The following GLB1 variants were observed in gnomAD, a reference collection of about 807,000 sequenced individuals.
GLB1 encodes the protein beta-galactosidase.
GLB1 carries 56 observed loss-of-function variants against 74.0 expected under a neutral mutation model. The observed-to-expected ratio is 0.76, with a 90% CI of 0.61 to 0.94. GLB1 has a LOEUF of 0.94. Among genes scored for constraint, GLB1 ranks in the 40% least tolerant of loss-of-function variants. The pLI is 0.00. For missense variants in GLB1, 787 were observed against 845.5 expected, an observed-to-expected ratio of 0.93 and a Z score of 0.86; for synonymous variants, 323 against 323.6, an observed-to-expected ratio of 1.00 and a Z score of 0.02.
At chr3:33,011,487 T>TA (rs549855318) in intron 15 of GLB1, among the ~76,000 whole-genome samples, 3 of 147,058 alleles carry the variant, frequency 2.0e-5, no homozygotes, top group Non-Finnish European at 4.5e-5. Context: ...ATAAAAATAA[T>TA]AAAAAAAATT....
At chr3:33,077,287 T>C (rs776410314) in intron 1 of GLB1, 146 of 1,573,610 alleles carry the variant, frequency 9.3e-5, no homozygotes, top group Non-Finnish European at 1.3e-4. Context: ...AGGAGGGTTC[T>C]GTGGTGCAGT....
rs540029120 is a variant in GLB1, at chr3:33,030,493, T to G, written c.1069-6168A>C. 716 of 985,304 alleles carry G rather than the reference T, an allele frequency of 7.3e-4. 1 individual carries two copies. Among genetic ancestry groups the G allele is most frequent in the Non-Finnish European group, 8.2e-4 (682 of 829,800 alleles). The allele number at this position is 985,304 out of a possible 1,614,324, so 61.0% of individuals were successfully genotyped here. A position where few individuals can be genotyped will look rare whatever the true frequency, so the allele number is the denominator to read the frequency against. On this transcript the variant is annotated intron_variant, in intron 10 of 15. Transcript: ENST00000307363. ...AACCATCAGACATAAAACACTGGTT[T>G]TCACCAGCACTATACATCAGCAAGA... is the stretch of plus-strand genomic sequence containing the variant.
In GLB1 at chr3:33,093,577, G is replaced by C. The variant is rs376847365; in HGVS notation, c.75+3434C>G. 1.2e-6 allele frequency: 2 copies of C among 1,614,072 alleles called. No individual in the cohort carries two copies. The highest frequency in any genetic ancestry group is 2.7e-5 in the African/African-American group (2 of 74,938). On this transcript the variant is annotated intron_variant, in intron 1 of 15. Transcript: ENST00000307363. This position sits in a 1 kb window ranked among gnomAD's most constrained non-coding sequence, Gnocchi z 6.0. ...ATGTCTGAGAGGAGCACGATCTTGAGGTTGTTCATTGAGGCAGGCAGCTGA... is the reference window on the plus strand; with the variant it reads ...ATGTCTGAGAGGAGCACGATCTTGACGTTGTTCATTGAGGCAGGCAGCTGA...
the GLB1 span, among the ~76,000 whole-genome samples, chr3:32,978,653 G>A: frequency 6.6e-6 from 1 of 152,156 alleles, no homozygotes; most frequent in South Asian, 2.1e-4. Flanking sequence ...CATTACATGT[G>A]ATAGATCTGA....
chr3:33,047,401 C>A (rs1698784852), intron 9 of GLB1, among the ~76,000 whole-genome samples: 1 of 152,146 alleles, frequency 6.6e-6, no homozygotes, highest in African/African-American at 2.4e-5. Context: ...AAAACAGATT[C>A]CTAAGCCCCA....
rs966255236 is a variant in GLB1 at position 32,997,757 on chromosome 3, A to C, written c.1735-413T>G. Among the ~76,000 whole-genome samples the C allele has an allele frequency of 6.6e-4, 101 of 152,206 alleles. 2 individuals are homozygous for C. Among genetic ancestry groups the C allele is most frequent in the African/African-American group, 2.3e-3 (96 of 41,440 alleles). On this transcript the variant is annotated intron_variant, in intron 15 of 15. Transcript: ENST00000307363. ...TCCCTGACTTTTCTGTACACAGAAGACAACTGCTGAACTGCTTCCTTAAAT... is the reference window on the plus strand; with the variant it reads ...TCCCTGACTTTTCTGTACACAGAAGCCAACTGCTGAACTGCTTCCTTAAAT...
intron 5 of GLB1, among the ~76,000 whole-genome samples, chr3:33,064,809 G>A (rs1467233979): frequency 1.4e-5 from 2 of 141,226 alleles, no homozygotes; most frequent in East Asian, 4.1e-4. Flanking sequence ...GAGCATCCAT[G>A]GCATCCTTGG....
At chr3:32,979,618 C>A in the GLB1 span, among the ~76,000 whole-genome samples, 1 of 151,316 alleles carries the variant, frequency 6.6e-6, no homozygotes, top group African/African-American at 2.4e-5. Context: ...TTTGGGAGGC[C>A]AAGATGGGAG....
chr3:32,963,567 T>G, the GLB1 span, among the ~76,000 whole-genome samples: 1 of 152,124 alleles, frequency 6.6e-6, no homozygotes. Context: ...AAGTGGCACA[T>G]GGATGTTTGT....
chr3:33,011,118 A>C (rs1002494540), intron 15 of GLB1, among the ~76,000 whole-genome samples: 1 of 152,134 alleles, frequency 6.6e-6, no homozygotes, highest in Non-Finnish European at 1.5e-5. Context: ...CGGCCTCCCA[A>C]AGTGCTGGGA....
At chr3:33,082,393 C>T (rs1237811426) in intron 1 of GLB1, among the ~76,000 whole-genome samples, 1 of 152,180 alleles carries the variant, frequency 6.6e-6, no homozygotes, top group Non-Finnish European at 1.5e-5. Flanking sequence ...GCCCACTCCC[C>T]ACTCCCACTC....
intron 1 of GLB1, among the ~76,000 whole-genome samples, chr3:33,074,389 G>GAAAGAAAAAGAAAGAAAGAAAGAAAGA (rs1559412979): frequency 2.6e-5 from 1 of 38,914 alleles, no homozygotes; most frequent in Non-Finnish European, 4.7e-5. Context: ...AGGAAGGAAG[G>GAAAGAAAAAGAAAGAAAGAAAGAAAGA]AAGAAAGAAA....
the GLB1 span, among the ~76,000 whole-genome samples, chr3:32,984,813 G>A: frequency 2.6e-5 from 4 of 151,646 alleles, no homozygotes; most frequent in East Asian, 1.9e-4. Context: ...GTGGTGGCAC[G>A]TGCCTGTAGT....
the GLB1 span, among the ~76,000 whole-genome samples, chr3:32,985,884 T>A: frequency 6.6e-6 from 1 of 152,042 alleles, no homozygotes; most frequent in Admixed American, 6.5e-5. Flanking sequence ...CTAATTTTTA[T>A]ATTTTTTATT....
intron 5 of GLB1, among the ~76,000 whole-genome samples, chr3:33,062,132 A>G (rs1699467092): frequency 6.6e-6 from 1 of 152,182 alleles, no homozygotes; most frequent in African/African-American, 2.4e-5. Flanking sequence ...CTTCAACATG[A>G]ATTAAGACAG....
chr3:33,034,347 T>C (rs1698182345), intron 10 of GLB1: 1 of 756,926 alleles, frequency 1.3e-6, no homozygotes, highest in African/African-American at 1.7e-5. Context: ...GCCCCTGCTG[T>C]TGTACCTGGA....
the GLB1 span, among the ~76,000 whole-genome samples, chr3:32,966,447 A>G: frequency 1.3e-5 from 2 of 152,224 alleles, no homozygotes; most frequent in African/African-American, 2.4e-5. Flanking sequence ...TATTTACCCA[A>G]TGCCTGTAAC....
intron 15 of GLB1, among the ~76,000 whole-genome samples, chr3:33,006,890 G>A (rs894541740): frequency 6.6e-6 from 1 of 152,202 alleles, no homozygotes; most frequent in African/African-American, 2.4e-5. Context: ...CACAGCCTTA[G>A]AAACAGCTGG....
intron 10 of GLB1, chr3:33,034,344 C>T (rs1698182165): frequency 2.6e-6 from 2 of 756,396 alleles, no homozygotes; most frequent in Non-Finnish European, 4.9e-6. Context: ...TAGGCCCCTG[C>T]TGTTGTACCT....
Sources: allele counts gnomAD v4.1 joint callset (sites outside exome capture counted in the v4.1 genomes callset), GRCh38; gene constraint gnomAD v4.1.1; non-coding constraint Gnocchi (gnomAD v3.1); transcripts MANE v1.5; gene names NCBI Gene and HGNC (gene_info 2026-07-23, HGNC 2026-07-21).